RANBP17: variants seen among roughly 807,000 people sequenced by gnomAD.
RANBP17 encodes RAN binding protein 17.
Under a neutral mutation model 141.2 loss-of-function variants are expected in RANBP17, and 158 were observed. The observed-to-expected ratio is 1.12, with a 90% confidence interval of 0.98 to 1.28. RANBP17 has a LOEUF of 1.28. Among genes scored for constraint, RANBP17 ranks in the 50% most tolerant of loss-of-function variants. The pLI, the probability that RANBP17 is intolerant of heterozygous loss-of-function variation, is 0.00. For synonymous variants in RANBP17, 430 were observed against 450.0 expected (o/e 0.96, Z 0.56); for missense variants, 1,438 against 1,290.7 (o/e 1.11, Z -1.75).
chr5:171,156,083 A>T (rs988967614), intron 14 of RANBP17, among the ~76,000 whole-genome samples: 1 of 152,108 alleles, frequency 6.6e-6, no homozygotes, highest in East Asian at 1.9e-4. Context: ...ATTCTTATGG[A>T]TATGTGAAGA....
chr5:171,135,492 G>C (rs1163665798), intron 14 of RANBP17, among the ~76,000 whole-genome samples: 10 of 151,262 alleles, frequency 6.6e-5, no homozygotes, highest in Non-Finnish European at 1.5e-5. Flanking sequence ...TTTCAGTATG[G>C]AATATTTATT....
intron 14 of RANBP17, among the ~76,000 whole-genome samples, chr5:170,979,724 T>G (rs2127547915): frequency 6.6e-6 from 1 of 152,346 alleles, no homozygotes; most frequent in Middle Eastern, 3.4e-3. Flanking sequence ...TCCCCAACCA[T>G]ATGGAACTGT....
intron 13 of RANBP17, among the ~76,000 whole-genome samples, chr5:170,965,820 A>G (rs1776517363): frequency 6.6e-6 from 1 of 152,108 alleles, no homozygotes. Flanking sequence ...TATAGTTTGA[A>G]GTCAGGTAGC....
chr5:171,129,111 T>G (rs1441338473), intron 14 of RANBP17, among the ~76,000 whole-genome samples: 2 of 152,158 alleles, frequency 1.3e-5, no homozygotes, highest in East Asian at 3.8e-4. Context: ...AGAGCCTGCC[T>G]GGTGTCTTAA....
chr5:171,083,400 A>C (rs1244664807), intron 14 of RANBP17, among the ~76,000 whole-genome samples: 1 of 152,122 alleles, frequency 6.6e-6, no homozygotes, highest in Non-Finnish European at 1.5e-5. Context: ...ACCAGACCTG[A>C]CTATGCTGGC....
intron 14 of RANBP17, among the ~76,000 whole-genome samples, chr5:170,972,100 A>G (rs969856019): frequency 4.6e-5 from 7 of 151,412 alleles, no homozygotes; most frequent in African/African-American, 1.2e-4. Context: ...CTTTTTCTAC[A>G]TTTCTGTGTA....
intron 12 of RANBP17, among the ~76,000 whole-genome samples, chr5:170,931,999 G>C (rs1486557590): frequency 6.6e-6 from 1 of 152,160 alleles, no homozygotes; most frequent in African/African-American, 2.4e-5. Context: ...ACCTTGGGCA[G>C]TATGGCCATT....
intron 23 of RANBP17, 30 bp from the exon 24 acceptor site, chr5:171,242,652 C>T (rs1764957839): frequency 1.9e-6 from 3 of 1,602,192 alleles, no homozygotes; most frequent in East Asian, 4.5e-5. Context: ...TTCTCTGTGG[C>T]TTGACATTTA....
At chr5:170,935,943 C>T (rs1234005092) in intron 12 of RANBP17, among the ~76,000 whole-genome samples, 2 of 152,174 alleles carry the variant, frequency 1.3e-5, no homozygotes, top group Non-Finnish European at 2.9e-5. Flanking sequence ...TGGGCTCCAC[C>T]CAGTTCGAGC....
chr5:171,188,099 A>G (rs1761392440), intron 18 of RANBP17, among the ~76,000 whole-genome samples: 1 of 152,220 alleles, frequency 6.6e-6, no homozygotes, highest in Non-Finnish European at 1.5e-5. Context: ...CAAAAAGTTG[A>G]GAGACATGCA....
At chr5:170,923,139 A>G (rs2127443910) in intron 11 of RANBP17, among the ~76,000 whole-genome samples, 1 of 152,226 alleles carries the variant, frequency 6.6e-6, no homozygotes, top group East Asian at 1.9e-4. Context: ...TTGTCTTAGA[A>G]TTTACATTTT....
intron 14 of RANBP17, among the ~76,000 whole-genome samples, chr5:171,141,451 CA>C (rs1757688731): frequency 6.9e-6 from 1 of 144,584 alleles, no homozygotes; most frequent in African/African-American, 2.6e-5. Context: ...AAAAAAAATA[CA>C]AAAAATTAGC....
intron 2 of RANBP17, among the ~76,000 whole-genome samples, chr5:170,878,593 A>C (rs967216007): frequency 1.3e-5 from 2 of 152,182 alleles, no homozygotes; most frequent in Non-Finnish European, 2.9e-5. Flanking sequence ...ATTACCTCAG[A>C]AACATGAAAG....
chr5:170,993,869 A>C (rs1159953527), intron 14 of RANBP17, among the ~76,000 whole-genome samples: 1 of 152,110 alleles, frequency 6.6e-6, no homozygotes, highest in Non-Finnish European at 1.5e-5. Context: ...AACAGAATTT[A>C]ACAAGTTAAC....
chr5:170,879,151 A>G (rs529229183), intron 2 of RANBP17, among the ~76,000 whole-genome samples: 1 of 152,238 alleles, frequency 6.6e-6, no homozygotes, highest in African/African-American at 2.4e-5. Flanking sequence ...GATTTTACAT[A>G]TTTTATATTT....
At chr5:171,251,972 T>A in intron 24 of RANBP17, 1 of 1,609,610 alleles carries the variant, frequency 6.2e-7, no homozygotes, top group Non-Finnish European at 8.5e-7. Context: ...AATTCAGTTC[T>A]TCAAGCACTT....
intron 21 of RANBP17, among the ~76,000 whole-genome samples, chr5:171,216,576 CTT>C (rs1422275887): frequency 2.0e-5 from 3 of 152,086 alleles, no homozygotes; most frequent in Non-Finnish European, 4.4e-5. Context: ...TGTGTCCTCT[CTT>C]ATTTCCTTGA....
intron 14 of RANBP17, among the ~76,000 whole-genome samples, chr5:170,987,355 T>A (rs557926294): frequency 6.6e-6 from 1 of 151,748 alleles, no homozygotes; most frequent in South Asian, 2.1e-4. Context: ...TATATCATAA[T>A]CAGTTTTTGT....
intron 14 of RANBP17, among the ~76,000 whole-genome samples, chr5:171,020,645 C>T (rs1189568741): frequency 1.1e-4 from 17 of 151,466 alleles, no homozygotes; most frequent in Non-Finnish European, 1.5e-5. Flanking sequence ...TCCTCCATCC[C>T]TTTATCTTGA....
Sources: gnomAD v4.1 joint callset for allele counts (sites outside exome capture counted in the v4.1 genomes callset) on GRCh38, gnomAD v4.1.1 for gene constraint, MANE v1.5 for transcripts, NCBI Gene and HGNC (gene_info 2026-07-23, HGNC 2026-07-21) for gene names.